Variants in DGKI observed in about 807,000 individuals in gnomAD.
DGKI encodes the protein diacylglycerol kinase iota.
A neutral mutation model predicts 147.5 loss-of-function variants in DGKI; 55 were observed. That is an observed-to-expected ratio of 0.37 (90% CI 0.30 to 0.47). The LOEUF is 0.47. Ranked by LOEUF, DGKI falls within the 20% of genes least tolerant of loss-of-function variation. The pLI is 1.00. For synonymous variants in DGKI, 469 were observed against 477.1 expected, an observed-to-expected ratio of 0.98 and a Z score of 0.22; for missense variants, 1,007 against 1,323.8, an observed-to-expected ratio of 0.76 and a Z score of 3.71.
At chr7:137,695,044 C>T (rs1238127580) in intron 1 of DGKI, among the ~76,000 whole-genome samples, 2 of 152,184 alleles carry the variant, frequency 1.3e-5, no homozygotes, top group Non-Finnish European at 2.9e-5. Context: ...CATTGAGTCA[C>T]TCAAAAAATC....
intron 3 of DGKI, among the ~76,000 whole-genome samples, chr7:137,664,357 G>A (rs1303130677): frequency 8.3e-6 from 1 of 120,238 alleles, no homozygotes; most frequent in African/African-American, 3.1e-5. Flanking sequence ...CAGGCTGGGT[G>A]ACAGAGCAAG....
chr7:137,748,985 AT>A (rs1245673786), intron 1 of DGKI, among the ~76,000 whole-genome samples: 24 of 152,344 alleles, frequency 1.6e-4, no homozygotes, highest in Non-Finnish European at 2.9e-4. Context: ...CTTATAGACA[AT>A]AACAGCAACT....
At position 137,551,367 on chromosome 7, in the gene DGKI, G is replaced by A. The variant is rs143503266; in HGVS notation, c.2147+1002C>T. 2.5e-3 allele frequency among the ~76,000 whole-genome samples: 384 copies of A among 152,178 alleles called. 4 individuals are homozygous for A. The highest frequency in any genetic ancestry group is 8.8e-3 in the African/African-American group (366 of 41,508). ...GCTATTGTAAGGACTTCTGCATACC[G>A]TTATATTGACTCAATAAATGCATGG... On this transcript the variant is annotated intron_variant, in intron 20 of 32. Transcript: ENST00000614521.
intron 1 of DGKI, among the ~76,000 whole-genome samples, chr7:137,705,767 T>C (rs550848797): frequency 7.2e-5 from 11 of 152,274 alleles, no homozygotes; most frequent in Non-Finnish European, 1.6e-4. Flanking sequence ...TTTATTGAAA[T>C]GATAGCTATT....
chr7:137,498,033 G>A (rs1816032456), intron 21 of DGKI, among the ~76,000 whole-genome samples: 1 of 151,996 alleles, frequency 6.6e-6, no homozygotes, highest in Non-Finnish European at 1.5e-5. Flanking sequence ...TCCTCAGGGA[G>A]TTGAGAGAAA....
Position 137,571,221 on chromosome 7 carries a change from T to A in DGKI, c.1901A>T (p.His634Leu). ...GDHHDFEPQR[H>L]DDGYIEVIGF... The stretch of plus-strand genomic sequence containing the variant: ...AATGACTTCAATATAACCATCATCA[T>A]GACGCTGAGGTTCGAAATCATGGTG... The change falls in exon 19 of 33, where the codon CAT (histidine) becomes CTT (leucine). Residue 634 changes from histidine to leucine, a missense_variant. Physicochemically the swap from His to Leu is moderately conservative, Grantham distance 99. This residue lies in a region of DGKI where 224 missense variants were observed against 382.7 expected (regional missense o/e 0.59). Transcript: ENST00000614521. The A allele has an allele frequency of 3.1e-6, 5 of 1,613,240 alleles. No homozygotes were observed. The highest frequency in any genetic ancestry group is 4.2e-6 in the Non-Finnish European group (5 of 1,179,900).
chr7:137,757,848 C>T (rs1386428908), intron 1 of DGKI, among the ~76,000 whole-genome samples: 1 of 152,192 alleles, frequency 6.6e-6, no homozygotes, highest in Admixed American at 6.5e-5. Flanking sequence ...ATAACTATAT[C>T]CACCTGGCAG....
At position 137,596,159 on chromosome 7, in the gene DGKI, A is replaced by T. The variant is rs761741496; in HGVS notation, c.1311+1688T>A. Reference sequence around the variant, plus strand: ...ACCCAAGGCAACAAAGAAGTCCAAGATCTGGGGATGTTATGCATAGCTTAT... The same window carrying T: ...ACCCAAGGCAACAAAGAAGTCCAAGTTCTGGGGATGTTATGCATAGCTTAT... On this transcript the variant is annotated intron_variant, in intron 12 of 32. Coordinates refer to ENST00000614521, the MANE Select transcript of DGKI (RefSeq NM_001321708.2). Among the ~76,000 whole-genome samples, 4 of 151,980 alleles carry T rather than the reference A, an allele frequency of 2.6e-5. No individual in the cohort carries two copies. In the South Asian group the frequency reaches 6.2e-4, roughly 24 times the overall value.
In DGKI at chr7:137,587,228, G is replaced by A. The variant is rs761945383; in HGVS notation, c.1312-18C>T. 16 of 1,575,636 alleles carry A rather than the reference G, an allele frequency of 1.0e-5. No individual in the cohort carries two copies. The highest frequency in any genetic ancestry group is 1.4e-5 in the African/African-American group (1 of 73,052). On this transcript the variant is annotated intron_variant, in intron 12 of 32. Coordinates refer to ENST00000614521, the MANE Select transcript of DGKI (RefSeq NM_001321708.2). ...CAGCCCACCTACAGGCGTATCGGGGGCCAGAAGAGATATAAGAAAGATAAA... is the reference window on the plus strand; with the variant it reads ...CAGCCCACCTACAGGCGTATCGGGGACCAGAAGAGATATAAGAAAGATAAA...
intron 28 of DGKI, among the ~76,000 whole-genome samples, chr7:137,431,796 C>A: frequency 6.6e-6 from 1 of 152,208 alleles, no homozygotes; most frequent in Admixed American, 6.5e-5. Flanking sequence ...AAACCCAGGC[C>A]TGATGCAAGT....
At chr7:137,509,734 T>C (rs188102388) in intron 21 of DGKI, among the ~76,000 whole-genome samples, 2 of 152,270 alleles carry the variant, frequency 1.3e-5, no homozygotes, top group East Asian at 3.9e-4. Flanking sequence ...GAATGTGTTA[T>C]AGACAGAATT....
rs1811078408 is a variant in DGKI at position 137,382,282 on chromosome 7, C to T, written c.*8938G>A. 6.6e-6 allele frequency: 1 copy of T among 151,916 alleles called. No individual in the cohort carries two copies. 9.4% of individuals were successfully genotyped at this position (151,916 alleles called of 1,614,324 possible). A position where few individuals can be genotyped will look rare whatever the true frequency, so the allele number is the denominator to read the frequency against. ...ATTTAAACCCAAAATAACAAGGTCA[C>T]AGTCTCTGAATTTTTAAGTGAATAT... On this transcript the variant is annotated 3_prime_UTR_variant, in exon 33 of 33. Coordinates refer to ENST00000614521, the MANE Select transcript of DGKI (RefSeq NM_001321708.2).
At chr7:137,392,003 C>A (rs527460451) in intron 32 of DGKI, among the ~76,000 whole-genome samples, 1 of 152,252 alleles carries the variant, frequency 6.6e-6, no homozygotes. Flanking sequence ...ACTAAGATAA[C>A]CACTACTAAC....
intron 27 of DGKI, among the ~76,000 whole-genome samples, chr7:137,446,513 G>A (rs1320271969): frequency 6.6e-6 from 1 of 152,046 alleles, no homozygotes; most frequent in Non-Finnish European, 1.5e-5. Flanking sequence ...ATCACCTGAG[G>A]TCAGGATTTT....
At chr7:137,470,091 A>G (rs1480282639) in intron 23 of DGKI, among the ~76,000 whole-genome samples, 1 of 152,198 alleles carries the variant, frequency 6.6e-6, no homozygotes, top group East Asian at 1.9e-4. Flanking sequence ...GTTCATCTAC[A>G]TGGAAACAAA....
At chr7:137,639,300 A>C (rs1821535020) in intron 6 of DGKI, among the ~76,000 whole-genome samples, 1 of 152,152 alleles carries the variant, frequency 6.6e-6, no homozygotes, top group Admixed American at 6.5e-5. Context: ...TCCAAAAAGG[A>C]GGGTAAATAT....
At chr7:137,663,183 G>T (rs1341393943) in intron 3 of DGKI, among the ~76,000 whole-genome samples, 1 of 152,224 alleles carries the variant, frequency 6.6e-6, no homozygotes, top group Non-Finnish European at 1.5e-5. Flanking sequence ...CTATGTGAGT[G>T]CTGTACAGGA....
intron 21 of DGKI, among the ~76,000 whole-genome samples, chr7:137,503,580 T>C (rs914587973): frequency 1.2e-4 from 18 of 152,218 alleles, no homozygotes; most frequent in Non-Finnish European, 2.6e-4. Flanking sequence ...ATTATCAATT[T>C]GGTAGTTTTG....
intron 1 of DGKI, among the ~76,000 whole-genome samples, chr7:137,811,373 C>G (rs1381398407): frequency 9.8e-6 from 1 of 101,586 alleles, no homozygotes; most frequent in African/African-American, 3.6e-5. Flanking sequence ...CCCTCTCTCT[C>G]TCTCTCTCTC....
Sources: allele counts gnomAD v4.1 joint callset (sites outside exome capture counted in the v4.1 genomes callset), GRCh38; gene constraint gnomAD v4.1.1; regional missense constraint gnomAD v4.1.1; transcripts MANE v1.5; gene names NCBI Gene and HGNC (gene_info 2026-07-23, HGNC 2026-07-21).